TBX5: variants seen among roughly 807,000 people sequenced by gnomAD.
TBX5 encodes T-box transcription factor TBX5.
TBX5 carries 8 observed loss-of-function variants against 51.1 expected under a neutral mutation model. The observed-to-expected ratio is 0.16, with a 90% CI of 0.09 to 0.28. TBX5 has a LOEUF of 0.28. Ranked by LOEUF, TBX5 falls within the 10% of genes least tolerant of loss-of-function variation. The pLI is 1.00. For missense variants in TBX5, 589 were observed against 671.7 expected (o/e 0.88, Z 1.36); for synonymous variants, 302 against 266.4 (o/e 1.13, Z -1.30).
chr12:114,405,880 A>G lies in TBX5; in HGVS notation c.-291T>C. The G allele has an allele frequency of 3.0e-6, 3 of 985,484 alleles. No homozygotes were observed. Among genetic ancestry groups the G allele is most frequent in the Non-Finnish European group, 3.6e-6 (3 of 829,994 alleles). The allele number at this position is 985,484 out of a possible 1,614,324, so 61.0% of individuals were successfully genotyped here. On this transcript the variant is annotated 5_prime_UTR_variant, in exon 1 of 9. Coordinates refer to ENST00000405440, the MANE Select transcript of TBX5 (RefSeq NM_181486.4). ...AAATACTTCCCAGTTGGCAAGCGCC[A>G]AAGAACACAAAATAGCCTCCAAGAG...
rs976064310 is a variant in TBX5, at chr12:114,355,836, A to G, written c.1253T>C (p.Met418Thr). The G allele has an allele frequency of 6.2e-7, 1 of 1,614,026 alleles. No individual in the cohort carries two copies. Among genetic ancestry groups the G allele is most frequent in the African/African-American group, 1.3e-5 (1 of 75,072 alleles). ...GAAGTGCTGGTAGGGTAGCCTGTCC[A>G]TGGGCTGCACGGTGGTGACGGTGCA... is the stretch of plus-strand genomic sequence containing the variant. Reference protein sequence around the residue: ...SSCTVTTVQPMDRLPYQHFSA... With the variant: ...SSCTVTTVQPTDRLPYQHFSA... The change falls in exon 9 of 9, where the codon ATG (methionine) becomes ACG (threonine). Residue 418 changes from methionine (M) to threonine (T), a missense_variant. Around this residue, in one of 7 missense-constraint regions of TBX5, gnomAD observed 348 missense variants for 360.4 expected, o/e 0.97. Transcript: ENST00000405440.
intron 5 of TBX5, among the ~76,000 whole-genome samples, chr12:114,397,716 G>C (rs1383821893): frequency 6.6e-6 from 1 of 152,170 alleles, no homozygotes; most frequent in African/African-American, 2.4e-5. Flanking sequence ...TCCAAGTTTA[G>C]GACCCTGGTT....
intron 7 of TBX5, among the ~76,000 whole-genome samples, chr12:114,376,549 A>G (rs1870200133): frequency 6.6e-6 from 1 of 152,142 alleles, no homozygotes; most frequent in African/African-American, 2.4e-5. Context: ...CAGTTATTCA[A>G]GAGGCATAAT....
At chr12:114,370,962 CA>C (rs1869868933) in intron 7 of TBX5, among the ~76,000 whole-genome samples, 1 of 151,984 alleles carries the variant, frequency 6.6e-6, no homozygotes, top group African/African-American at 2.4e-5. Context: ...GTCCCTATAT[CA>C]AGGGGAATGG....
intron 7 of TBX5, among the ~76,000 whole-genome samples, chr12:114,384,418 G>T (rs1235578239): frequency 2.0e-5 from 3 of 152,038 alleles, no homozygotes; most frequent in Non-Finnish European, 4.4e-5. Flanking sequence ...TGGGGCTGCA[G>T]GAACATGCCA....
intron 7 of TBX5, among the ~76,000 whole-genome samples, chr12:114,367,847 G>T (rs1428179133): frequency 6.6e-6 from 1 of 152,110 alleles, no homozygotes; most frequent in Non-Finnish European, 1.5e-5. Context: ...ACATATTTTG[G>T]TAACTATATT....
chr12:114,358,504 G>A (rs1869042800), intron 8 of TBX5, among the ~76,000 whole-genome samples: 1 of 152,090 alleles, frequency 6.6e-6, no homozygotes, highest in Non-Finnish European at 1.5e-5. Flanking sequence ...ATGTCCAAGT[G>A]ACACCCACAG....
intron 7 of TBX5, among the ~76,000 whole-genome samples, chr12:114,370,891 T>G (rs545064876): frequency 6.6e-6 from 1 of 152,220 alleles, no homozygotes; most frequent in South Asian, 2.1e-4. Flanking sequence ...ACCCGAGCAG[T>G]GTACACTGTA....
chr12:114,376,659 T>C (rs1215698461), intron 7 of TBX5, among the ~76,000 whole-genome samples: 2 of 150,184 alleles, frequency 1.3e-5, no homozygotes, highest in African/African-American at 4.9e-5. Context: ...TTTATATATA[T>C]ATATTAAAAT....
intron 7 of TBX5, among the ~76,000 whole-genome samples, chr12:114,370,365 G>T (rs1436005204): frequency 6.6e-6 from 1 of 151,086 alleles, no homozygotes; most frequent in Non-Finnish European, 1.5e-5. Context: ...AAAAGAAAAG[G>T]CAGGTACAGA....
intron 3 of TBX5, among the ~76,000 whole-genome samples, chr12:114,401,027 G>T (rs1383462787): frequency 6.6e-6 from 1 of 152,126 alleles, no homozygotes; most frequent in Non-Finnish European, 1.5e-5. Flanking sequence ...GGACGCGGAA[G>T]ACCCGTCCAG....
At chr12:114,381,819 A>T (rs116742778) in intron 7 of TBX5, among the ~76,000 whole-genome samples, 116 of 152,298 alleles carry the variant, frequency 7.6e-4, no homozygotes, top group African/African-American at 2.8e-3. Flanking sequence ...CAATGACCTC[A>T]TCTACTCCCC....
chr12:114,361,836 A>G (rs1869256939), intron 8 of TBX5, among the ~76,000 whole-genome samples: 1 of 152,202 alleles, frequency 6.6e-6, no homozygotes, highest in South Asian at 2.1e-4. Flanking sequence ...TAGGCAGGAC[A>G]GAGAGCCCTC....
At chr12:114,358,356 G>A (rs1869032884) in intron 8 of TBX5, among the ~76,000 whole-genome samples, 1 of 152,150 alleles carries the variant, frequency 6.6e-6, no homozygotes, top group Admixed American at 6.5e-5. Context: ...CTGAGAGGTG[G>A]TCCTCAGATA....
chr12:114,371,729 T>G (rs2136381384), intron 7 of TBX5, among the ~76,000 whole-genome samples: 1 of 152,122 alleles, frequency 6.6e-6, no homozygotes, highest in South Asian at 2.1e-4. Context: ...TCGATAGCAT[T>G]TTAATCTGTG....
intron 6 of TBX5, among the ~76,000 whole-genome samples, chr12:114,394,211 A>G (rs1871299476): frequency 6.6e-6 from 1 of 152,180 alleles, no homozygotes; most frequent in Admixed American, 6.5e-5. Context: ...GCTACTCCAG[A>G]GGCTGAGGCA....
intron 8 of TBX5, among the ~76,000 whole-genome samples, chr12:114,365,224 A>T (rs1193504634): frequency 6.6e-6 from 1 of 150,752 alleles, no homozygotes; most frequent in Admixed American, 6.6e-5. Context: ...AAAAAAAAAG[A>T]GTTCAAAATC....
At chr12:114,380,942 G>A (rs140948110) in intron 7 of TBX5, among the ~76,000 whole-genome samples, 102 of 152,100 alleles carry the variant, frequency 6.7e-4, no homozygotes, top group African/African-American at 2.3e-3. Flanking sequence ...GACACAGATT[G>A]ATTAACCTTT....
intron 7 of TBX5, among the ~76,000 whole-genome samples, chr12:114,378,748 C>A (rs1274075808): frequency 6.6e-6 from 1 of 152,088 alleles, no homozygotes; most frequent in Non-Finnish European, 1.5e-5. Context: ...GCAATGCTCC[C>A]ACCTCAGACT....
Sources: gnomAD v4.1 joint callset for allele counts (sites outside exome capture counted in the v4.1 genomes callset) on GRCh38, gnomAD v4.1.1 for gene constraint, gnomAD v4.1.1 regional missense constraint, MANE v1.5 for transcripts, NCBI Gene and HGNC (gene_info 2026-07-23, HGNC 2026-07-21) for gene names.